The following TUSC3 variants were observed in gnomAD, a reference collection of about 807,000 sequenced individuals.
TUSC3 encodes dolichyl-diphosphooligosaccharide--protein glycosyltransferase subunit TUSC3.
TUSC3 carries 45 observed loss-of-function variants against 44.8 expected under a neutral mutation model. The ratio of observed to expected loss-of-function variants is 1.00; its 90% CI spans 0.79 to 1.29. TUSC3 has a LOEUF of 1.29. Among genes scored for constraint, TUSC3 ranks in the 50% most tolerant of loss-of-function variants. TUSC3 has a pLI of 0.00. For synonymous variants in TUSC3, 212 were observed against 152.9 expected, an observed-to-expected ratio of 1.39 and a Z score of -2.85; for missense variants, 519 against 437.9, an observed-to-expected ratio of 1.19 and a Z score of -1.65.
rs2543141 is a variant in TUSC3, at chr8:15,730,474, A to G, written c.799-192A>G. On this transcript the variant is annotated intron_variant, in intron 6 of 10. Transcript: ENST00000503731. ...GTTGCCACCTAGAGTTTACAATAGT[A>G]TCATCAACCAACATTGTCATCTATT... Among the ~76,000 whole-genome samples the G allele has an allele frequency of 5.9e-3, 895 of 152,300 alleles. 10 individuals are homozygous for G. Among genetic ancestry groups the G allele is most frequent in the African/African-American group, 0.02 (833 of 41,588 alleles).
Position 15,748,455 on chromosome 8 carries a change from T to C in TUSC3, c.1018T>C (p.Tyr340His). ...LSIFRSKYHGYPYSDLDFE is the reference protein window; with the variant it reads ...LSIFRSKYHGHPYSDLDFE ...AATATTTCGTTCCAAGTACCACGGC[T>C]ATCCTTATAGGTAATATCTTTATAC... Residue 340 changes from tyrosine to histidine, a missense_variant, in exon 9 of 11, where the codon TAT (tyrosine) becomes CAT (histidine). Physicochemically the swap from Tyr to His is moderately conservative, Grantham distance 83 (BLOSUM62 2). Transcript: ENST00000503731. 6.2e-7 allele frequency: 1 copy of C among 1,610,484 alleles called. No individual in the cohort carries two copies. The highest frequency in any genetic ancestry group is 8.5e-7 in the Non-Finnish European group (1 of 1,176,882).
At chr8:15,607,018 A>G (rs1025637611) in intron 1 of TUSC3, among the ~76,000 whole-genome samples, 3 of 152,038 alleles carry the variant, frequency 2.0e-5, no homozygotes, top group Admixed American at 6.6e-5. Context: ...TTAGCATTCA[A>G]CATGGATGGT....
intron 2 of TUSC3, among the ~76,000 whole-genome samples, chr8:15,625,696 G>A (rs1211365184): frequency 1.3e-5 from 2 of 152,078 alleles, no homozygotes; most frequent in African/African-American, 4.8e-5. Flanking sequence ...TAGTAACTTG[G>A]GTCAATGTAA....
chr8:15,817,907 A>C, the TUSC3 span, among the ~76,000 whole-genome samples: 1 of 152,158 alleles, frequency 6.6e-6, no homozygotes, highest in African/African-American at 2.4e-5. Context: ...AGGAAGAGAA[A>C]TCCCACAGAC....
intron 2 of TUSC3, among the ~76,000 whole-genome samples, chr8:15,524,067 A>AG (rs1187481072): frequency 6.6e-6 from 1 of 151,404 alleles, no homozygotes; most frequent in Non-Finnish European, 1.5e-5. Context: ...AAAAAAAAAA[A>AG]AAAATAGAAA....
At chr8:15,683,306 A>G (rs1808498498) in intron 6 of TUSC3, among the ~76,000 whole-genome samples, 1 of 152,150 alleles carries the variant, frequency 6.6e-6, no homozygotes, top group South Asian at 2.1e-4. Flanking sequence ...TGTTTTACAC[A>G]ATCTCTTATT....
At chr8:15,825,234 G>A in the TUSC3 span, among the ~76,000 whole-genome samples, 1 of 152,050 alleles carries the variant, frequency 6.6e-6, no homozygotes, top group Non-Finnish European at 1.5e-5. Flanking sequence ...TCATGCTGCT[G>A]ATAAAGACAT....
chr8:15,489,963 C>T (rs1800785938), intron 2 of TUSC3, among the ~76,000 whole-genome samples: 1 of 152,086 alleles, frequency 6.6e-6, no homozygotes, highest in Non-Finnish European at 1.5e-5. Context: ...TTTTGTAATT[C>T]TGTTGGTGCT....
intron 6 of TUSC3, among the ~76,000 whole-genome samples, chr8:15,693,524 G>T (rs1265119698): frequency 7.1e-6 from 1 of 140,868 alleles, no homozygotes; most frequent in Non-Finnish European, 1.5e-5. Flanking sequence ...GCTGTTTTAA[G>T]CCTTATTGGG....
Position 15,710,764 on chromosome 8 carries a change from A to G in TUSC3, c.799-19902A>G, listed in dbSNP as rs945975722. On this transcript the variant is annotated intron_variant, in intron 6 of 10. Transcript: ENST00000503731. ...TGCACAAATCATAAATGTGCAGCTT[A>G]GTAATTTGCATGAAGTGAATATATA... Among the ~76,000 whole-genome samples, 4 of 150,678 alleles carry G rather than the reference A, an allele frequency of 2.7e-5. No individual in the cohort carries two copies. In the South Asian group the frequency reaches 8.3e-4, roughly 31 times the overall value.
At chr8:15,656,381 A>G (rs1189937527) in intron 3 of TUSC3, among the ~76,000 whole-genome samples, 1 of 152,196 alleles carries the variant, frequency 6.6e-6, no homozygotes, top group African/African-American at 2.4e-5. Context: ...CTAAAATAAA[A>G]TGGTAGAACA....
chr8:15,708,717 T>C (rs1002603129), intron 6 of TUSC3, among the ~76,000 whole-genome samples: 2 of 151,980 alleles, frequency 1.3e-5, no homozygotes, highest in Non-Finnish European at 2.9e-5. Flanking sequence ...GCTTTCTGTC[T>C]AGCATTAGTC....
At chr8:15,821,954 G>A in the TUSC3 span, among the ~76,000 whole-genome samples, 50,773 of 152,054 alleles carry the variant, frequency 0.33, 10,746 homozygotes, top group Non-Finnish European at 0.47. Flanking sequence ...CTCTTGGGAT[G>A]CCGTTGCACA....
intron 2 of TUSC3, among the ~76,000 whole-genome samples, chr8:15,504,951 C>T (rs1345728224): frequency 1.3e-5 from 2 of 151,976 alleles, no homozygotes; most frequent in East Asian, 1.9e-4. Flanking sequence ...TCTTTCTTTC[C>T]GTAATTCATG....
intron 1 of TUSC3, among the ~76,000 whole-genome samples, chr8:15,599,556 GT>G (rs1284032178): frequency 6.6e-6 from 1 of 151,588 alleles, no homozygotes; most frequent in Non-Finnish European, 1.5e-5. Context: ...TAGTTTTATA[GT>G]TTTGCATTTC....
the TUSC3 span, among the ~76,000 whole-genome samples, chr8:15,796,400 A>G: frequency 2.0e-5 from 3 of 152,206 alleles, no homozygotes; most frequent in South Asian, 6.2e-4. Context: ...GGCATGCCAA[A>G]CACCTAGGCC....
chr8:15,706,382 A>G lies in TUSC3; in HGVS notation c.799-24284A>G, dbSNP rs562498219. 1.8e-3 allele frequency among the ~76,000 whole-genome samples: 280 copies of G among 152,184 alleles called. 1 individual carries two copies. Among genetic ancestry groups the G allele is most frequent in the African/African-American group, 6.4e-3 (268 of 41,564 alleles). ...TTGCAGTGCTTTCCTCAGGAAATGAAAGAAAGATTTCTCATAATCTAACAA... is the reference window on the plus strand; with the variant it reads ...TTGCAGTGCTTTCCTCAGGAAATGAGAGAAAGATTTCTCATAATCTAACAA... On this transcript the variant is annotated intron_variant, in intron 6 of 10. Coordinates refer to ENST00000503731, the MANE Select transcript of TUSC3 (RefSeq NM_006765.4).
intron 1 of TUSC3, among the ~76,000 whole-genome samples, chr8:15,600,864 A>T (rs895588782): frequency 6.6e-6 from 1 of 151,728 alleles, no homozygotes; most frequent in Non-Finnish European, 1.5e-5. Flanking sequence ...TCAGTGTAAA[A>T]TTGCTTAATA....
intron 9 of TUSC3, among the ~76,000 whole-genome samples, chr8:15,750,385 C>G (rs10097453): frequency 1.2e-3 from 184 of 152,120 alleles, no homozygotes; most frequent in African/African-American, 3.1e-3. Context: ...ATATCATTCC[C>G]TATCTAGATT....
Sources: gnomAD v4.1 joint callset for allele counts (sites outside exome capture counted in the v4.1 genomes callset) on GRCh38, gnomAD v4.1.1 for gene constraint, MANE v1.5 for transcripts, NCBI Gene and HGNC (gene_info 2026-07-23, HGNC 2026-07-21) for gene names.